CSRP3: variants seen among roughly 807,000 people sequenced by gnomAD.
The protein encoded by CSRP3 is cysteine and glycine rich protein 3, also known as cysteine and glycine-rich protein 3.
Under a neutral mutation model 24.3 loss-of-function variants are expected in CSRP3, and 24 were observed. The ratio of observed to expected loss-of-function variants is 0.99; its 90% CI spans 0.71 to 1.39. CSRP3 has a LOEUF of 1.39. Among genes scored for constraint, CSRP3 ranks in the 40% most tolerant of loss-of-function variants. CSRP3 has a pLI of 0.00. For missense variants in CSRP3, 240 were observed against 249.0 expected (o/e 0.96, Z 0.24); for synonymous variants, 105 against 94.0 (o/e 1.12, Z -0.68).
intron 1 of CSRP3, among the ~76,000 whole-genome samples, chr11:19,196,542 C>T (rs540293466): frequency 3.3e-5 from 5 of 152,316 alleles, no homozygotes; most frequent in East Asian, 3.9e-4. Context: ...TTCAGCTTCC[C>T]GCATTGCTTT....
At chr11:19,182,841 AG>A in intron 5 of CSRP3, 95 bp from the exon 6 acceptor site, 1 of 896,470 alleles carries the variant, frequency 1.1e-6, no homozygotes, top group Non-Finnish European at 1.9e-6. Context: ...TTTAATTATT[AG>A]AGACATCCTT....
rs527726558 is a variant in CSRP3 at position 19,183,511 on chromosome 11, C to T, written c.509-765G>A. 3.3e-4 allele frequency among the ~76,000 whole-genome samples: 50 copies of T among 152,314 alleles called. 1 individual carries two copies. The South Asian group carries it at 9.1e-3, about 28-fold the overall frequency. On this transcript the variant is annotated intron_variant, in intron 5 of 5. Coordinates refer to ENST00000265968, the MANE Select transcript of CSRP3 (RefSeq NM_003476.5). The stretch of plus-strand genomic sequence containing the variant: ...CAGAGGAAGCCTGTCTTGTGAGAAG[C>T]TTTCCCCATTACCCCAAGCTGGTTC...
At chr11:19,197,585 T>C (rs538259637) in intron 1 of CSRP3, among the ~76,000 whole-genome samples, 37 of 146,792 alleles carry the variant, frequency 2.5e-4, no homozygotes, top group Non-Finnish European at 5.5e-4. Flanking sequence ...CTTCTTTCAC[T>C]ACCAACTATA....
chr11:19,197,985 T>C (rs1850770197), intron 1 of CSRP3, among the ~76,000 whole-genome samples: 1 of 152,130 alleles, frequency 6.6e-6, no homozygotes, highest in Admixed American at 6.5e-5. Flanking sequence ...GATGAGGAAA[T>C]GGAGGCTTTG....
chr11:19,200,908 C>T (rs527851664), intron 1 of CSRP3, among the ~76,000 whole-genome samples: 1 of 152,176 alleles, frequency 6.6e-6, no homozygotes, highest in Non-Finnish European at 1.5e-5. Flanking sequence ...CCAGCCCTGA[C>T]ATAGGAGATG....
chr11:19,188,383 G>A (rs1489106333), intron 2 of CSRP3, 79 bp from the exon 3 acceptor site: 11 of 1,520,038 alleles, frequency 7.2e-6, no homozygotes, highest in East Asian at 2.3e-5. Context: ...CCATGCTCGG[G>A]GCCAGAGACC....
chr11:19,195,244 A>T (rs372080227), intron 1 of CSRP3, among the ~76,000 whole-genome samples: 1 of 152,016 alleles, frequency 6.6e-6, no homozygotes, highest in Non-Finnish European at 1.5e-5. Flanking sequence ...AAATAGCCCA[A>T]ATTTGTTTAT....
At chr11:19,187,697 C>T (rs1850549486) in intron 3 of CSRP3, among the ~76,000 whole-genome samples, 1 of 152,176 alleles carries the variant, frequency 6.6e-6, no homozygotes, top group East Asian at 1.9e-4. Context: ...ACACACTCCC[C>T]CTGCCATGTG....
At chr11:19,191,291 G>C (rs1216962163) in intron 2 of CSRP3, among the ~76,000 whole-genome samples, 1 of 152,096 alleles carries the variant, frequency 6.6e-6, no homozygotes, top group African/African-American at 2.4e-5. Context: ...GCTCTCTTTG[G>C]ACAAAAGCCC....
At chr11:19,190,826 A>T (rs924930458) in intron 2 of CSRP3, among the ~76,000 whole-genome samples, 6 of 152,220 alleles carry the variant, frequency 3.9e-5, no homozygotes, top group Admixed American at 3.9e-4. Context: ...CCTGAAATGT[A>T]TGCTGCTCAA....
intron 1 of CSRP3, among the ~76,000 whole-genome samples, chr11:19,198,782 C>A (rs1565056439): frequency 2.0e-5 from 3 of 152,184 alleles, no homozygotes; most frequent in Non-Finnish European, 2.9e-5. Context: ...GAACACTGGG[C>A]AAGTTGCTCA....
chr11:19,186,577 A>G (rs1256247711), intron 3 of CSRP3, among the ~76,000 whole-genome samples: 2 of 152,216 alleles, frequency 1.3e-5, no homozygotes. Flanking sequence ...GGGCTAATAA[A>G]TGTTTGCTAA....
intron 5 of CSRP3, among the ~76,000 whole-genome samples, 188 bp downstream of exon 5, chr11:19,184,764 C>G (rs1850496922): frequency 6.6e-6 from 1 of 152,176 alleles, no homozygotes; most frequent in African/African-American, 2.4e-5. Flanking sequence ...TGGAGAGGAC[C>G]AGAGCTGGGT....
chr11:19,185,132 G>A, intron 4 of CSRP3, 87 bp from the exon 5 acceptor site: 1 of 967,918 alleles, frequency 1.0e-6, no homozygotes, highest in Non-Finnish European at 1.7e-6. Flanking sequence ...AGCATCCAGA[G>A]GAGTGACACG....
At chr11:19,201,105 A>G (rs561878204) in intron 1 of CSRP3, among the ~76,000 whole-genome samples, 1 of 152,274 alleles carries the variant, frequency 6.6e-6, no homozygotes, top group Admixed American at 6.5e-5. Flanking sequence ...ACCTCTTCTT[A>G]TTCTCAATCA....
intron 1 of CSRP3, among the ~76,000 whole-genome samples, chr11:19,196,356 T>C (rs1336335210): frequency 6.6e-6 from 1 of 152,156 alleles, no homozygotes; most frequent in Non-Finnish European, 1.5e-5. Flanking sequence ...ATGTTGATAA[T>C]AGTATCTCCT....
In CSRP3 at chr11:19,182,555, A is replaced by G. The variant is rs1850452644; in HGVS notation, c.*115T>C. On this transcript the variant is annotated 3_prime_UTR_variant, in exon 6 of 6. Transcript: ENST00000265968. ...AAAGACCTGATCACTTCTGAGGAGA[A>G]ACACATAATGTACGACTACAAAGGA... 1.1e-6 allele frequency: 1 copy of G among 914,422 alleles called. No individual in the cohort carries two copies. Among genetic ancestry groups the G allele is most frequent in the African/African-American group, 1.6e-5 (1 of 61,438 alleles). The allele number at this position is 914,422 out of a possible 1,614,324, so 56.6% of individuals were successfully genotyped here. A position where few individuals can be genotyped will look rare whatever the true frequency, so the allele number is the denominator to read the frequency against.
intron 2 of CSRP3, 77 bp downstream of exon 2, chr11:19,192,260 C>T: frequency 1.0e-6 from 1 of 960,330 alleles, no homozygotes; most frequent in South Asian, 1.3e-5. Context: ...CACTGGCATA[C>T]AGTGTTTGTG....
At chr11:19,192,532 T>C in intron 1 of CSRP3, 56 bp from the exon 2 acceptor site, 2 of 1,059,684 alleles carry the variant, frequency 1.9e-6, no homozygotes, top group Non-Finnish European at 2.9e-6. Flanking sequence ...AGTGAACCAA[T>C]CTCTAAGAGT....
Sources: gnomAD v4.1 joint callset for allele counts (sites outside exome capture counted in the v4.1 genomes callset) on GRCh38, gnomAD v4.1.1 for gene constraint, MANE v1.5 for transcripts, NCBI Gene and HGNC (gene_info 2026-07-23, HGNC 2026-07-21) for gene names.